Variants in FAT3 observed in about 807,000 individuals in gnomAD.
FAT3 encodes the protein FAT atypical cadherin 3, also known as protocadherin Fat 3.
A neutral mutation model predicts 310.2 loss-of-function variants in FAT3; 95 were observed. The ratio of observed to expected loss-of-function variants is 0.31; its 90% CI spans 0.26 to 0.36. The LOEUF (loss-of-function observed/expected upper bound fraction) is 0.36, where lower values mean the gene tolerates loss of function less well. FAT3 is among the 10% of genes least tolerant of loss of function. The pLI is 1.00. For synonymous variants in FAT3, 2,314 were observed against 2,192.9 expected (o/e 1.06, Z -1.54); for missense variants, 5,408 against 5,715.6 (o/e 0.95, Z 1.74).
intron 13 of FAT3, among the ~76,000 whole-genome samples, chr11:92,820,882 A>T (rs528305729): frequency 6.4e-4 from 98 of 152,334 alleles, no homozygotes; most frequent in South Asian, 1.2e-3. Context: ...CACATCCTTA[A>T]GATTCCCTGA....
chr11:92,575,371 A>G (rs1791564), intron 3 of FAT3, among the ~76,000 whole-genome samples: 6,725 of 152,256 alleles, frequency 0.044, 478 homozygotes, highest in African/African-American at 0.15. Flanking sequence ...TTTCCCAGAA[A>G]CCACAACAAT....
At chr11:92,471,087 T>C (rs979437917) in intron 2 of FAT3, among the ~76,000 whole-genome samples, 7 of 152,194 alleles carry the variant, frequency 4.6e-5, no homozygotes, top group African/African-American at 1.7e-4. Context: ...TCCATCCCTT[T>C]GTGTTGGAGA....
intron 2 of FAT3, among the ~76,000 whole-genome samples, chr11:92,380,872 C>G (rs1329025497): frequency 6.6e-6 from 1 of 152,128 alleles, no homozygotes; most frequent in Non-Finnish European, 1.5e-5. Context: ...CTATTAAGGT[C>G]AAACTCACAT....
intron 3 of FAT3, among the ~76,000 whole-genome samples, chr11:92,604,952 C>G (rs563502303): frequency 6.6e-6 from 1 of 152,168 alleles, no homozygotes; most frequent in Admixed American, 6.5e-5. Context: ...ATGCCTTCTG[C>G]GTGATGCTTA....
intron 2 of FAT3, among the ~76,000 whole-genome samples, chr11:92,442,830 ATTAG>A (rs1182395435): frequency 6.6e-6 from 1 of 152,142 alleles, no homozygotes; most frequent in Non-Finnish European, 1.5e-5. Context: ...TATGCTACCT[ATTAG>A]TTGAGATACA....
intron 3 of FAT3, among the ~76,000 whole-genome samples, chr11:92,591,225 G>A (rs537871): frequency 0.21 from 32,404 of 152,012 alleles, 4,108 homozygotes; most frequent in African/African-American, 0.36. Context: ...TGTGGCTTTG[G>A]TGACCTCATC....
chr11:92,492,138 T>C (rs534966078), intron 2 of FAT3, among the ~76,000 whole-genome samples: 1 of 152,180 alleles, frequency 6.6e-6, no homozygotes, highest in African/African-American at 2.4e-5. Flanking sequence ...ATTATATATG[T>C]ACTCCTATTA....
At chr11:92,328,491 G>T (rs534799872) in intron 1 of FAT3, among the ~76,000 whole-genome samples, 1 of 152,206 alleles carries the variant, frequency 6.6e-6, no homozygotes, top group Non-Finnish European at 1.5e-5. Context: ...ATATCCTCTG[G>T]GTATTTTATT....
intron 3 of FAT3, chr11:92,559,558 A>C: frequency 3.8e-6 from 1 of 263,050 alleles, no homozygotes. Flanking sequence ...CTACTTTTTT[A>C]AATAGTTGAG....
intron 2 of FAT3, among the ~76,000 whole-genome samples, chr11:92,485,185 A>G (rs973711254): frequency 1.8e-4 from 27 of 152,386 alleles, no homozygotes; most frequent in African/African-American, 6.0e-4. Context: ...AAAACAGGCC[A>G]TTATTTAATT....
chr11:92,284,645 A>C (rs1485678314), intron 1 of FAT3, among the ~76,000 whole-genome samples: 1 of 151,776 alleles, frequency 6.6e-6, no homozygotes, highest in African/African-American at 2.4e-5. Context: ...GCGTTTGAAA[A>C]CCCTGTGTTG....
rs894979649 is a variant in FAT3, at chr11:92,350,348, G to T, written c.-17-1748G>T. ...TAATATTTTAATATGTTAAACTCCT[G>T]TAGGGATTTTTTTTTTTTTCAGTTT... On this transcript the variant is annotated intron_variant, in intron 1 of 27. Transcript: ENST00000525166. Among the ~76,000 whole-genome samples the T allele has an allele frequency of 7.0e-5, 9 of 129,218 alleles. No homozygotes were observed. The East Asian group carries it at 1.7e-3, about 24-fold the overall frequency. The allele number at this position is 129,218 out of a possible 152,430, so 84.8% of individuals were successfully genotyped here. A position where few individuals can be genotyped will look rare whatever the true frequency, so the allele number is the denominator to read the frequency against.
chr11:92,514,606 A>G (rs1353290305), intron 2 of FAT3, among the ~76,000 whole-genome samples: 1 of 152,150 alleles, frequency 6.6e-6, no homozygotes, highest in African/African-American at 2.4e-5. Flanking sequence ...AGGTGTTCTT[A>G]ATCACTCATT....
intron 3 of FAT3, among the ~76,000 whole-genome samples, chr11:92,529,157 C>A (rs989446830): frequency 2.0e-5 from 3 of 152,284 alleles, no homozygotes; most frequent in Non-Finnish European, 4.4e-5. Flanking sequence ...AAAAACAGAA[C>A]CATCATACTT....
chr11:92,438,465 A>G (rs182279241), intron 2 of FAT3, among the ~76,000 whole-genome samples: 2 of 152,304 alleles, frequency 1.3e-5, no homozygotes, highest in East Asian at 3.9e-4. Flanking sequence ...TACATTTACT[A>G]TTTTAACCAT....
intron 3 of FAT3, among the ~76,000 whole-genome samples, chr11:92,542,022 T>A (rs1954463710): frequency 6.6e-6 from 1 of 151,852 alleles, no homozygotes; most frequent in Admixed American, 6.6e-5. Flanking sequence ...TACCTCAGAA[T>A]GAAAAGCAAC....
chr11:92,809,354 GT>G (rs531897684), intron 12 of FAT3, among the ~76,000 whole-genome samples: 1 of 152,158 alleles, frequency 6.6e-6, no homozygotes, highest in Non-Finnish European at 1.5e-5. Flanking sequence ...TTCATTACCT[GT>G]TTTCCTGTAA....
At position 92,883,125 on chromosome 11, in the gene FAT3, G is replaced by A; in HGVS notation, c.12669G>A (p.Gln4223=). Residue 4223 remains glutamine (Q), a synonymous_variant, in exon 24 of 28, where the codon CAG becomes CAA. Transcript: ENST00000525166. The surrounding 1 kb of genome is among the most constrained non-coding windows in gnomAD (Gnocchi z 4.2). ...GTGGGGACGGCCGCAACGTCTACCA[G>A]GAGGTGGGGCCCCCGCAGGTCCCCG... ...RGSGDGRNVY[Q]EVGPPQVPVR... is the part of the protein sequence containing the mutation. 1 of 1,613,786 alleles carries A rather than the reference G, an allele frequency of 6.2e-7. No homozygotes were observed. Among genetic ancestry groups the A allele is most frequent in the Non-Finnish European group, 8.5e-7 (1 of 1,179,884 alleles).
intron 4 of FAT3, among the ~76,000 whole-genome samples, chr11:92,746,015 G>A (rs1351042896): frequency 2.0e-5 from 3 of 152,184 alleles, no homozygotes; most frequent in Non-Finnish European, 2.9e-5. Flanking sequence ...AATGAGTAAC[G>A]TGATTCACTG....
Sources: gnomAD v4.1 joint callset for allele counts (sites outside exome capture counted in the v4.1 genomes callset) on GRCh38, gnomAD v4.1.1 for gene constraint, Gnocchi (gnomAD v3.1) non-coding constraint, MANE v1.5 for transcripts, NCBI Gene and HGNC (gene_info 2026-07-23, HGNC 2026-07-21) for gene names.